Variants in KAZN observed in about 807,000 individuals in gnomAD.
KAZN encodes the protein kazrin.
Under a neutral mutation model 87.4 loss-of-function variants are expected in KAZN, and 40 were observed. The observed-to-expected ratio is 0.46, with a 90% CI of 0.36 to 0.60. The LOEUF (loss-of-function observed/expected upper bound fraction) is 0.60, where lower values mean the gene tolerates loss of function less well. Ranked by LOEUF, KAZN falls within the 20% of genes least tolerant of loss-of-function variation. The pLI is 0.00. For synonymous variants in KAZN, 466 were observed against 458.3 expected (o/e 1.02, Z -0.22); for missense variants, 898 against 1,073.9 (o/e 0.84, Z 2.29).
At chr1:14,433,384 A>T (rs937154158) in intron 2 of KAZN, among the ~76,000 whole-genome samples, 9 of 152,064 alleles carry the variant, frequency 5.9e-5, no homozygotes, top group Middle Eastern at 6.8e-3. Context: ...ATTCAACATA[A>T]TATTTTTGAG....
intron 1 of KAZN, among the ~76,000 whole-genome samples, chr1:14,613,396 A>C (rs1234971863): frequency 1.3e-5 from 2 of 152,200 alleles, no homozygotes; most frequent in African/African-American, 4.8e-5. Flanking sequence ...AGTTTTCAAT[A>C]GTTTAAACTT....
intron 1 of KAZN, among the ~76,000 whole-genome samples, chr1:14,090,420 A>G (rs1023712107): frequency 2.6e-5 from 4 of 151,600 alleles, no homozygotes; most frequent in African/African-American, 4.9e-5. Flanking sequence ...TCTGCTGTCA[A>G]TTCCGTCTGG....
intron 1 of KAZN, among the ~76,000 whole-genome samples, chr1:14,670,641 C>A (rs143756664): frequency 6.6e-6 from 1 of 152,110 alleles, no homozygotes; most frequent in Non-Finnish European, 1.5e-5. Flanking sequence ...CAAATGAGCC[C>A]GATTCATACC....
intron 2 of KAZN, among the ~76,000 whole-genome samples, chr1:14,234,548 T>TATA (rs532271975): frequency 0.012 from 1,770 of 151,910 alleles, 32 homozygotes; most frequent in African/African-American, 0.04. Flanking sequence ...GAACTTAAAG[T>TATA]ATAATAATAA....
intron 2 of KAZN, among the ~76,000 whole-genome samples, chr1:14,400,611 A>G (rs1571529341): frequency 6.6e-6 from 1 of 152,330 alleles, no homozygotes; most frequent in Middle Eastern, 3.4e-3. Flanking sequence ...GGACTGCAAC[A>G]GGTGCTGTAA....
chr1:14,987,485 C>G (rs1666940840), intron 2 of KAZN, among the ~76,000 whole-genome samples: 1 of 152,058 alleles, frequency 6.6e-6, no homozygotes, highest in South Asian at 2.1e-4. Flanking sequence ...CAGGGCAAGA[C>G]TCCATCTCAA....
chr1:14,813,641 T>C (rs1646479648), intron 1 of KAZN, among the ~76,000 whole-genome samples: 1 of 152,220 alleles, frequency 6.6e-6, no homozygotes, highest in South Asian at 2.1e-4. Context: ...TTAAGACTAA[T>C]AGAAGATATA....
chr1:14,665,811 C>G (rs529316802), intron 1 of KAZN, among the ~76,000 whole-genome samples: 1 of 151,988 alleles, frequency 6.6e-6, no homozygotes, highest in East Asian at 1.9e-4. Flanking sequence ...TTAAAGCACA[C>G]GGCTGCCTAG....
At chr1:14,842,552 C>T (rs139316785) in intron 1 of KAZN, among the ~76,000 whole-genome samples, 1 of 152,260 alleles carries the variant, frequency 6.6e-6, no homozygotes, top group East Asian at 1.9e-4. Context: ...TGAAATATTC[C>T]CACCAGAGTG....
intron 2 of KAZN, among the ~76,000 whole-genome samples, chr1:14,561,903 C>CA (rs35705563): frequency 0.18 from 25,968 of 142,966 alleles, 2,246 homozygotes; most frequent in Admixed American, 0.22. Flanking sequence ...AACTCCATCT[C>CA]AAAAAAAAAA....
chr1:14,571,174 G>T (rs891282517), intron 2 of KAZN, among the ~76,000 whole-genome samples: 2 of 151,142 alleles, frequency 1.3e-5, no homozygotes, highest in South Asian at 4.2e-4. Flanking sequence ...TAACCTTGTA[G>T]AAACGTACAT....
chr1:14,528,362 G>GAAA (rs1326931668), intron 2 of KAZN, among the ~76,000 whole-genome samples: 1 of 108,714 alleles, frequency 9.2e-6, no homozygotes, highest in Non-Finnish European at 1.9e-5. Flanking sequence ...AAAAAAAAAA[G>GAAA]AAAGAAAAAA....
chr1:13,946,874 C>T (rs1469682806), intron 1 of KAZN, among the ~76,000 whole-genome samples: 1 of 148,650 alleles, frequency 6.7e-6, no homozygotes, highest in Non-Finnish European at 1.5e-5. Flanking sequence ...TGACCACAAA[C>T]TTAGTGGCTT....
Position 14,406,790 on chromosome 1 carries a change from C to T in KAZN, c.250-192193C>T, listed in dbSNP as rs76305634. 1.9e-3 allele frequency among the ~76,000 whole-genome samples: 293 copies of T among 152,318 alleles called. 6 individuals carry two copies. In the East Asian group the frequency reaches 0.042, roughly 22 times the overall value. ...TAATATTTGAGCAAATATCTGGATG[C>T]CCTGTGGCCCAGTCAAGTTGACACA... is the stretch of plus-strand genomic sequence containing the variant. On this transcript the variant is annotated intron_variant, in intron 2 of 16. Coordinates refer to the KAZN transcript ENST00000636203.
At chr1:14,474,152 A>C (rs1333806757) in intron 2 of KAZN, among the ~76,000 whole-genome samples, 2 of 152,182 alleles carry the variant, frequency 1.3e-5, no homozygotes, top group Non-Finnish European at 1.5e-5. Context: ...GTGGGTGAGA[A>C]ATAACCATTT....
intron 2 of KAZN, among the ~76,000 whole-genome samples, chr1:14,292,049 G>A (rs1653740118): frequency 6.6e-6 from 1 of 152,124 alleles, no homozygotes; most frequent in Non-Finnish European, 1.5e-5. Context: ...GACTAATACA[G>A]ACCCCCTGTA....
rs150126288 is a variant in KAZN, at chr1:14,524,877, G to T, written c.250-74106G>T. Among the ~76,000 whole-genome samples, 32 of 152,316 alleles carry T rather than the reference G, an allele frequency of 2.1e-4. No homozygotes were observed. The East Asian group carries it at 5.6e-3, about 27-fold the overall frequency. On this transcript the variant is annotated intron_variant, in intron 2 of 16. Coordinates refer to the KAZN transcript ENST00000636203. ...GCAAAGGAAGCCCATAAGGAAAACA[G>T]AAATCATCTACCATAAAGAAAAAGC...
chr1:14,560,373 AG>A (rs1674174803), intron 2 of KAZN, among the ~76,000 whole-genome samples: 1 of 152,074 alleles, frequency 6.6e-6, no homozygotes, highest in African/African-American at 2.4e-5. Context: ...TGAGGTCAGG[AG>A]TTTGAGACCA....
At chr1:15,060,542 G>C (rs1342125455) in intron 6 of KAZN, 1 of 543,548 alleles carries the variant, frequency 1.8e-6, no homozygotes, top group African/African-American at 1.9e-5. Context: ...GAGGAAGCGG[G>C]CCTGGGTCGG....
Sources: allele counts gnomAD v4.1 joint callset (sites outside exome capture counted in the v4.1 genomes callset), GRCh38; gene constraint gnomAD v4.1.1; transcripts MANE v1.5; gene names NCBI Gene and HGNC (gene_info 2026-07-23, HGNC 2026-07-21).